The following ABCA5 variants were observed in gnomAD, a reference collection of about 807,000 sequenced individuals.
ABCA5 encodes cholesterol transporter ABCA5.
In ABCA5, 163 loss-of-function variants were observed where a neutral mutation model predicts 206.0. That is an observed-to-expected ratio of 0.79 (90% CI 0.70 to 0.90). The LOEUF (loss-of-function observed/expected upper bound fraction) is 0.90. Ranked by LOEUF, ABCA5 falls within the 40% of genes least tolerant of loss-of-function variation. The probability of loss-of-function intolerance (pLI) is 0.00; values close to 1 mark genes in which losing one functional copy is unlikely to be tolerated. For synonymous variants in ABCA5, 609 were observed against 613.8 expected, an observed-to-expected ratio of 0.99 and a Z score of 0.11; for missense variants, 1,859 against 1,912.9, an observed-to-expected ratio of 0.97 and a Z score of 0.53.
chr17:69,311,475 TTTG>T (rs1417827552), intron 3 of ABCA5, among the ~76,000 whole-genome samples: 3 of 152,126 alleles, frequency 2.0e-5, no homozygotes, highest in Non-Finnish European at 4.4e-5. Context: ...TTTTTGTTTG[TTTG>T]TTCTTTTTTT....
At chr17:69,322,360 T>C (rs2075871518) in intron 1 of ABCA5, among the ~76,000 whole-genome samples, 1 of 27,572 alleles carries the variant, frequency 3.6e-5, no homozygotes, top group East Asian at 6.4e-4. Context: ...CAAGATTCCG[T>C]CTCAAAAAAA....
intron 13 of ABCA5, among the ~76,000 whole-genome samples, chr17:69,289,613 G>A (rs73998225): frequency 3.7e-4 from 56 of 152,174 alleles, no homozygotes; most frequent in African/African-American, 1.3e-3. Flanking sequence ...AAGTGGGAGG[G>A]GGTAGAGGAG....
intron 20 of ABCA5, among the ~76,000 whole-genome samples, chr17:69,271,639 AGCTGCT>A (rs142447746): frequency 1.3e-5 from 2 of 151,426 alleles, no homozygotes; most frequent in Non-Finnish European, 3.0e-5. Context: ...CGCATATTTT[AGCTGCT>A]GCTGCTGCTG....
At position 69,262,108 on chromosome 17, in the gene ABCA5, ACT is replaced by A. The variant is rs1166744194; in HGVS notation, c.3316-362_3316-361del. 9.9e-5 allele frequency among the ~76,000 whole-genome samples: 15 copies of A among 152,072 alleles called. No individual in the cohort carries two copies. The East Asian group carries it at 1.2e-3, about 12-fold the overall frequency. The stretch of plus-strand genomic sequence containing the variant: ...TTACTTTCAGCATCAACCTCATGTA[ACT>A]CTGTTTTCCCTTTTTCCTAATAAAG... On this transcript the variant is annotated intron_variant, in intron 24 of 38. Coordinates refer to ENST00000392676, the MANE Select transcript of ABCA5 (RefSeq NM_172232.4).
At position 69,270,884 on chromosome 17, in the gene ABCA5, C is replaced by T. The variant is rs368140747; in HGVS notation, c.2893-134G>A. 3.6e-4 allele frequency: 302 copies of T among 832,260 alleles called. 3 individuals are homozygous for T. In the African/African-American group the frequency reaches 4.8e-3, roughly 13 times the overall value. The allele number at this position is 832,260 out of a possible 1,614,324, so 51.6% of individuals were successfully genotyped here. On this transcript the variant is annotated intron_variant, in intron 21 of 38. Coordinates refer to ENST00000392676, the MANE Select transcript of ABCA5 (RefSeq NM_172232.4). Reference sequence around the variant, plus strand: ...GCTTCAACAACTCACAGAAATAATACTCAATGACAGATAAAGACAATCTGG... The same window carrying T: ...GCTTCAACAACTCACAGAAATAATATTCAATGACAGATAAAGACAATCTGG...
At chr17:69,303,831 T>TATAC (rs2075684616) in intron 7 of ABCA5, among the ~76,000 whole-genome samples, 2 of 27,740 alleles carry the variant, frequency 7.2e-5, no homozygotes, top group African/African-American at 2.3e-4. Context: ...TATATGTATA[T>TATAC]ATATATATAC....
At chr17:69,250,117 T>C (rs2074995062) in intron 36 of ABCA5, 133 bp from the exon 37 acceptor site, 1 of 612,932 alleles carries the variant, frequency 1.6e-6, no homozygotes, top group Admixed American at 3.8e-5. Context: ...ATGAAAATTG[T>C]TTAAAATAAT....
chr17:69,291,568 T>C (rs2075526591), intron 11 of ABCA5, among the ~76,000 whole-genome samples: 1 of 152,168 alleles, frequency 6.6e-6, no homozygotes, highest in South Asian at 2.1e-4. Context: ...GTATACAAAA[T>C]ATTTGGGAAT....
intron 7 of ABCA5, among the ~76,000 whole-genome samples, chr17:69,303,687 G>A (rs1315980655): frequency 1.6e-5 from 2 of 125,106 alleles, no homozygotes; most frequent in Admixed American, 9.1e-5. Flanking sequence ...CACTTTGGGA[G>A]GCCAAGGCAA....
At chr17:69,259,541 A>C (rs2075122114) in intron 28 of ABCA5, among the ~76,000 whole-genome samples, 165 bp downstream of exon 28, 1 of 152,026 alleles carries the variant, frequency 6.6e-6, no homozygotes, top group Admixed American at 6.6e-5. Context: ...ATTAGTGGTT[A>C]CCTAAGACTG....
At chr17:69,255,133 G>A (rs2075059756) in intron 31 of ABCA5, among the ~76,000 whole-genome samples, 2 of 152,198 alleles carry the variant, frequency 1.3e-5, no homozygotes, top group Admixed American at 6.5e-5. Flanking sequence ...AGTAAGCAAG[G>A]GGAGAGAAGC....
At chr17:69,282,862 C>T (rs551034459) in intron 18 of ABCA5, among the ~76,000 whole-genome samples, 1 of 151,928 alleles carries the variant, frequency 6.6e-6, no homozygotes, top group Non-Finnish European at 1.5e-5. Flanking sequence ...ATCTCATTCC[C>T]AGTTATCAAA....
Position 69,289,242 on chromosome 17 carries a change from T to C in ABCA5, c.1837A>G (p.Lys613Glu), listed in dbSNP as rs76926478. 1 of 1,608,840 alleles carries C rather than the reference T, an allele frequency of 6.2e-7. No homozygotes were observed. Among genetic ancestry groups the C allele is most frequent in the Non-Finnish European group, 8.5e-7 (1 of 1,177,734 alleles). The change falls in exon 14 of 39, where the codon AAA (lysine) becomes GAA (glutamate). Residue 613 changes from lysine to glutamate, a missense_variant. Transcript: ENST00000392676. ...DMQTIKDNQA[K>E]KLSGGQKRKL... ...CTTTTTTGACCACCACTTAATTTTTTAGCTTGGTTATCTTTGATAGTCTGC... is the reference window on the plus strand; with the variant it reads ...CTTTTTTGACCACCACTTAATTTTTCAGCTTGGTTATCTTTGATAGTCTGC...
In ABCA5 at chr17:69,271,179, C is replaced by T. The variant is rs201887786; in HGVS notation, c.2875G>A (p.Val959Met). 23 of 1,612,680 alleles carry T rather than the reference C, an allele frequency of 1.4e-5. No individual in the cohort carries two copies. The African/African-American group carries it at 2.8e-4, about 20-fold the overall frequency. Reference sequence around the variant, plus strand: ...CATCTTACCTTTTCTGAATGCATCACATTTAAAGCCGCACTATGGGGAGCC... The same window carrying T: ...CATCTTACCTTTTCTGAATGCATCATATTTAAAGCCGCACTATGGGGAGCC... ...SVAPHSAALN[V>M]MHSEKDYVFA... The change falls in exon 21 of 39, where the codon GTG (valine) becomes ATG (methionine). Residue 959 changes from valine (V) to methionine (M), a missense_variant. Physicochemically the swap from Val to Met is conservative, Grantham distance 21. Coordinates refer to ENST00000392676, the MANE Select transcript of ABCA5 (RefSeq NM_172232.4).
At chr17:69,302,371 G>C (rs2075661181) in intron 8 of ABCA5, among the ~76,000 whole-genome samples, 1 of 152,002 alleles carries the variant, frequency 6.6e-6, no homozygotes, top group African/African-American at 2.4e-5. Context: ...ATTCTTCTGA[G>C]ATAAATGTAC....
In ABCA5 at chr17:69,289,146, G is replaced by A. The variant is rs1183480224; in HGVS notation, c.1902+31C>T. The A allele has an allele frequency of 5.7e-6, 9 of 1,581,660 alleles. 1 individual carries two copies. Among genetic ancestry groups the A allele is most frequent in the Non-Finnish European group, 7.7e-6 (9 of 1,168,092 alleles). ...TTTTTAATTCGACATAATTTAAAAT[G>A]AGCTCATCTGTAAAAGTAATATTTA... On this transcript the variant is annotated intron_variant, in intron 14 of 38. Transcript: ENST00000392676.
At position 69,289,893 on chromosome 17, in the gene ABCA5, T is replaced by C. The variant is rs1238821570; in HGVS notation, c.1751A>G (p.Lys584Arg). 8 of 1,611,096 alleles carry C rather than the reference T, an allele frequency of 5.0e-6. No individual in the cohort carries two copies. Among genetic ancestry groups the C allele is most frequent in the East Asian group, 2.2e-5 (1 of 44,700 alleles). The change falls in exon 13 of 39, where the codon AAA (lysine) becomes AGA (arginine). Residue 584 changes from lysine to arginine, a missense_variant. Coordinates refer to ENST00000392676, the MANE Select transcript of ABCA5 (RefSeq NM_172232.4). ...TATTATATTGTTGGCTGGTATCCCTTTGATTGAAGCCAAAATTGATAAATT... is the reference window on the plus strand; with the variant it reads ...TATTATATTGTTGGCTGGTATCCCTCTGATTGAAGCCAAAATTGATAAATT... ...EENLSILASI[K>R]GIPANNIIQE...
chr17:69,255,967 A>G, intron 29 of ABCA5, 117 bp from the exon 30 acceptor site: 1 of 1,090,756 alleles, frequency 9.2e-7, no homozygotes, highest in Non-Finnish European at 1.3e-6. Flanking sequence ...GGGATACTGT[A>G]CAAATAAATA....
rs767829190 is a variant in ABCA5, at chr17:69,290,010, ACT to A, written c.1632_1633del (p.Arg544SerfsTer6). 17 of 1,610,020 alleles carry A rather than the reference ACT, an allele frequency of 1.1e-5. No individual in the cohort carries two copies. The South Asian group carries it at 1.9e-4, about 18-fold the overall frequency. The stretch of plus-strand genomic sequence containing the variant: ...TTCAAACATTTCATCTATTTCTGAG[ACT>A]CTGTGTCCATATATAGATGCAAACC... On this transcript the variant is annotated frameshift_variant, in exon 13 of 39. Coordinates refer to ENST00000392676, the MANE Select transcript of ABCA5 (RefSeq NM_172232.4). LOFTEE classifies it high-confidence loss of function.
Sources: allele counts gnomAD v4.1 joint callset (sites outside exome capture counted in the v4.1 genomes callset), GRCh38; gene constraint gnomAD v4.1.1; transcripts MANE v1.5; gene names NCBI Gene and HGNC (gene_info 2026-07-23, HGNC 2026-07-21).